The following ASB18 variants were observed in gnomAD, a reference collection of about 807,000 sequenced individuals.
ASB18 encodes ankyrin repeat and SOCS box containing 18, also known as ankyrin repeat and SOCS box protein 18.
ASB18 carries 33 observed loss-of-function variants against 33.4 expected under a neutral mutation model. The observed-to-expected ratio is 0.99, with a 90% CI of 0.75 to 1.32. ASB18 has a LOEUF of 1.32. Among genes scored for constraint, ASB18 ranks in the 40% most tolerant of loss-of-function variants. ASB18 has a pLI of 0.00. For synonymous variants in ASB18, 295 were observed against 307.6 expected (o/e 0.96, Z 0.43); for missense variants, 694 against 655.5 (o/e 1.06, Z -0.64).
chr2:236,254,589 G>A (rs2060683370), intron 1 of ASB18, among the ~76,000 whole-genome samples: 1 of 151,910 alleles, frequency 6.6e-6, no homozygotes, highest in African/African-American at 2.4e-5. Flanking sequence ...AGTTGTGTAT[G>A]TTAAACCTTT....
intron 1 of ASB18, among the ~76,000 whole-genome samples, chr2:236,243,977 C>T (rs763698128): frequency 2.0e-4 from 30 of 152,214 alleles, no homozygotes; most frequent in Admixed American, 1.4e-3. Context: ...CAGGTTCTTG[C>T]GACCAAACCC....
chr2:236,243,292 T>C (rs2060630399), intron 1 of ASB18, among the ~76,000 whole-genome samples: 1 of 142,296 alleles, frequency 7.0e-6, no homozygotes, highest in South Asian at 2.2e-4. Context: ...ATCGTGCCAC[T>C]GCACTCCAGC....
chr2:236,264,033 T>C lies in ASB18; in HGVS notation c.205+108A>G. On this transcript the variant is annotated intron_variant, in intron 1 of 5. Transcript: ENST00000409749. This position sits in a 1 kb window ranked among gnomAD's most constrained non-coding sequence, Gnocchi z 5.1. ...TATGAGAGTCAGATATCCGAGTACA[T>C]ATCATTTACTTTTTCCAAACATTTG... The C allele has an allele frequency of 1.2e-6, 1 of 856,994 alleles. No individual in the cohort carries two copies. The highest frequency in any genetic ancestry group is 1.9e-6 in the Non-Finnish European group (1 of 534,646). The allele number at this position is 856,994 out of a possible 1,614,324, so 53.1% of individuals were successfully genotyped here. A position where few individuals can be genotyped will look rare whatever the true frequency, so the allele number is the denominator to read the frequency against.
chr2:236,209,141 A>G lies in ASB18; in HGVS notation c.1101+5221T>C, dbSNP rs2060446988. 2.0e-5 allele frequency among the ~76,000 whole-genome samples: 3 copies of G among 152,160 alleles called. No homozygotes were observed. Among genetic ancestry groups the G allele is most frequent in the African/African-American group, 7.2e-5 (3 of 41,438 alleles). On this transcript the variant is annotated intron_variant, in intron 4 of 5. Transcript: ENST00000409749. This position sits in a 1 kb window ranked among gnomAD's most constrained non-coding sequence, Gnocchi z 4.4. Reference sequence around the variant, plus strand: ...CTAAAAATCCTGTGGAATTGGGATAAGCGAAGTCCCTTTACCTGATTTAGT... The same window carrying G: ...CTAAAAATCCTGTGGAATTGGGATAGGCGAAGTCCCTTTACCTGATTTAGT...
chr2:236,201,381 T>A (rs539684113), intron 4 of ASB18, among the ~76,000 whole-genome samples: 1 of 152,264 alleles, frequency 6.6e-6, no homozygotes, highest in African/African-American at 2.4e-5. Context: ...TTTGAACTCC[T>A]GGGTTCACGC....
chr2:236,200,600 G>C lies in ASB18; in HGVS notation c.1102-4215C>G, dbSNP rs979838187. Among the ~76,000 whole-genome samples the C allele has an allele frequency of 2.6e-5, 4 of 152,104 alleles. No homozygotes were observed. Among genetic ancestry groups the C allele is most frequent in the Non-Finnish European group, 4.4e-5 (3 of 68,008 alleles). On this transcript the variant is annotated intron_variant, in intron 4 of 5. Transcript: ENST00000409749. This position sits in a 1 kb window ranked among gnomAD's most constrained non-coding sequence, Gnocchi z 4.2. ...AGCCAGCCCAGAGAATGCATGTTCT[G>C]CCCTCACTCTCCTTTCCTCCCTCCT...
Position 236,213,546 on chromosome 2 carries a change from A to G in ASB18, c.1101+816T>C, listed in dbSNP as rs1482062202. 1.3e-5 allele frequency: 2 copies of G among 152,226 alleles called. No individual in the cohort carries two copies. Among genetic ancestry groups the G allele is most frequent in the African/African-American group, 2.4e-5 (1 of 41,468 alleles). 9.4% of individuals were successfully genotyped at this position (152,226 alleles called of 1,614,324 possible). Reference sequence around the variant, plus strand: ...CATCTAATGGAATGACTTCCCTTCAATGAAGTCTTTTCGGGAGGACAACCT... The same window carrying G: ...CATCTAATGGAATGACTTCCCTTCAGTGAAGTCTTTTCGGGAGGACAACCT... On this transcript the variant is annotated intron_variant, in intron 4 of 5. Transcript: ENST00000409749. The surrounding 1 kb of genome is among the most constrained non-coding windows in gnomAD (Gnocchi z 4.8).
In ASB18 at chr2:236,193,563, G is replaced by A. The variant is rs1037344441; in HGVS notation, c.*1309C>T. 5.9e-5 allele frequency among the ~76,000 whole-genome samples: 9 copies of A among 152,186 alleles called. No homozygotes were observed. The highest frequency in any genetic ancestry group is 1.9e-4 in the African/African-American group (8 of 41,450). ...TGTAATCCCAGCACTTTGGGAGGCC[G>A]AGGCGGGCAGATCACCTGAGATCGG... is the stretch of plus-strand genomic sequence containing the variant. On this transcript the variant is annotated 3_prime_UTR_variant, in exon 6 of 6. Transcript: ENST00000409749. This position sits in a 1 kb window ranked among gnomAD's most constrained non-coding sequence, Gnocchi z 5.0.
chr2:236,216,675 CT>C lies in ASB18; in HGVS notation c.597-1810del, dbSNP rs941607670. 2.0e-5 allele frequency among the ~76,000 whole-genome samples: 3 copies of C among 152,204 alleles called. No individual in the cohort carries two copies. Among genetic ancestry groups the C allele is most frequent in the Non-Finnish European group, 4.4e-5 (3 of 68,040 alleles). ...CGTTTCTCGGAATGCTTATAAGTCT[CT>C]TCATTTGCCCCTTGCTGCAATCTAG... is the stretch of plus-strand genomic sequence containing the variant. On this transcript the variant is annotated intron_variant, in intron 3 of 5. Coordinates refer to ENST00000409749, the MANE Select transcript of ASB18 (RefSeq NM_212556.4). The surrounding 1 kb of genome is among the most constrained non-coding windows in gnomAD (Gnocchi z 6.1).
rs2060652827 is a variant in ASB18, at chr2:236,248,145, A to G, written c.206-6743T>C. The G allele has an allele frequency of 6.6e-6, 1 of 152,204 alleles. No individual in the cohort carries two copies. The highest frequency in any genetic ancestry group is 2.1e-4 in the South Asian group (1 of 4,824). The allele number at this position is 152,204 out of a possible 1,614,324, so 9.4% of individuals were successfully genotyped here. On this transcript the variant is annotated intron_variant, in intron 1 of 5. Coordinates refer to ENST00000409749, the MANE Select transcript of ASB18 (RefSeq NM_212556.4). The surrounding 1 kb of genome is among the most constrained non-coding windows in gnomAD (Gnocchi z 4.9). ...CTGGCTAAATAATGTGAACTGGAGA[A>G]ATAATACACGTGATGCCCCAACAGC...
intron 3 of ASB18, among the ~76,000 whole-genome samples, chr2:236,236,043 A>G (rs1451525189): frequency 6.6e-6 from 1 of 151,308 alleles, no homozygotes; most frequent in African/African-American, 2.5e-5. Context: ...TTTATTCAAA[A>G]TGCATAAAAG....
rs1057364804 is a variant in ASB18, at chr2:236,221,468, T to G, written c.597-6602A>C. Among the ~76,000 whole-genome samples, 1 of 152,168 alleles carries G rather than the reference T, an allele frequency of 6.6e-6. No homozygotes were observed. Among genetic ancestry groups the G allele is most frequent in the Non-Finnish European group, 1.5e-5 (1 of 68,030 alleles). The stretch of plus-strand genomic sequence containing the variant: ...AGATAATTGAATCATGGGGGTGGTT[T>G]CCTTCATACTGTTCTCTTGGTAGTG... On this transcript the variant is annotated intron_variant, in intron 3 of 5. Transcript: ENST00000409749. The surrounding 1 kb of genome is among the most constrained non-coding windows in gnomAD (Gnocchi z 5.6).
rs1188073174 is a variant in ASB18, at chr2:236,213,708, T to C, written c.1101+654A>G. 6.6e-6 allele frequency: 1 copy of C among 152,226 alleles called. No homozygotes were observed. Among genetic ancestry groups the C allele is most frequent in the Non-Finnish European group, 1.5e-5 (1 of 68,078 alleles). 9.4% of individuals were successfully genotyped at this position (152,226 alleles called of 1,614,324 possible). The stretch of plus-strand genomic sequence containing the variant: ...CAAGGATGAGTTGTTCAGAGTCAAG[T>C]CTGCAAGGGTGAGCCAGCAGAATGG... On this transcript the variant is annotated intron_variant, in intron 4 of 5. Coordinates refer to ENST00000409749, the MANE Select transcript of ASB18 (RefSeq NM_212556.4). This position sits in a 1 kb window ranked among gnomAD's most constrained non-coding sequence, Gnocchi z 4.8.
rs2060555720 is a variant in ASB18 at position 236,229,626 on chromosome 2, G to A, written c.596+8063C>T. ...AGAGGCCAAGGTGGGCAGATCACCT[G>A]AGGTCAGGGGTTCAAGACTAACCTG... On this transcript the variant is annotated intron_variant, in intron 3 of 5. Coordinates refer to ENST00000409749, the MANE Select transcript of ASB18 (RefSeq NM_212556.4). This position sits in a 1 kb window ranked among gnomAD's most constrained non-coding sequence, Gnocchi z 5.2. Among the ~76,000 whole-genome samples the A allele has an allele frequency of 6.6e-6, 1 of 152,154 alleles. No homozygotes were observed. Among genetic ancestry groups the A allele is most frequent in the Admixed American group, 6.5e-5 (1 of 15,268 alleles).
chr2:236,212,026 C>G (rs562465845), intron 4 of ASB18, among the ~76,000 whole-genome samples: 1 of 152,274 alleles, frequency 6.6e-6, no homozygotes, highest in African/African-American at 2.4e-5. Flanking sequence ...GCGCCATGTT[C>G]AGGGAGGCAG....
At chr2:236,202,777 C>CAAAAAAAAA (rs34973734) in intron 4 of ASB18, among the ~76,000 whole-genome samples, 13 of 68,704 alleles carry the variant, frequency 1.9e-4, no homozygotes, top group East Asian at 4.4e-4. Flanking sequence ...GACTCCGTCT[C>CAAAAAAAAA]AAAAAAAAAA....
rs1271159385 is a variant in ASB18 at position 236,249,116 on chromosome 2, T to C, written c.206-7714A>G. 1 of 152,256 alleles carries C rather than the reference T, an allele frequency of 6.6e-6. No individual in the cohort carries two copies. Among genetic ancestry groups the C allele is most frequent in the Non-Finnish European group, 1.5e-5 (1 of 68,048 alleles). The allele number at this position is 152,256 out of a possible 1,614,324, so 9.4% of individuals were successfully genotyped here. On this transcript the variant is annotated intron_variant, in intron 1 of 5. Transcript: ENST00000409749. This position sits in a 1 kb window ranked among gnomAD's most constrained non-coding sequence, Gnocchi z 4.6. ...AGCATGTCTGTACAGTAAGAGTAAC[T>C]CGTGTCAGACAGATGTCCATTTAAG...
At position 236,226,002 on chromosome 2, in the gene ASB18, C is replaced by A. The variant is rs1283303287; in HGVS notation, c.597-11136G>T. ...GTGAGGTAAAAAAATTAAGGATGAC[C>A]TAAAATCTACTGTGTTTAAAAAGAT... On this transcript the variant is annotated intron_variant, in intron 3 of 5. Transcript: ENST00000409749. The surrounding 1 kb of genome is among the most constrained non-coding windows in gnomAD (Gnocchi z 4.8). Among the ~76,000 whole-genome samples, 2 of 152,056 alleles carry A rather than the reference C, an allele frequency of 1.3e-5. No homozygotes were observed. Among genetic ancestry groups the A allele is most frequent in the African/African-American group, 4.8e-5 (2 of 41,400 alleles).
In ASB18 at chr2:236,237,583, G is replaced by T; in HGVS notation, c.596+106C>A. On this transcript the variant is annotated intron_variant, in intron 3 of 5. Coordinates refer to ENST00000409749, the MANE Select transcript of ASB18 (RefSeq NM_212556.4). This position sits in a 1 kb window ranked among gnomAD's most constrained non-coding sequence, Gnocchi z 6.2. ...GGGTGCAGGGTCTGGGTCCGGAGGC[G>T]GGGGCTGGGACGGAGGCGGAGGCGG... 1 of 966,558 alleles carries T rather than the reference G, an allele frequency of 1.0e-6. No individual in the cohort carries two copies. Among genetic ancestry groups the T allele is most frequent in the South Asian group, 2.3e-5 (1 of 43,064 alleles). The allele number at this position is 966,558 out of a possible 1,614,324, so 59.9% of individuals were successfully genotyped here.
Sources: allele counts gnomAD v4.1 joint callset (sites outside exome capture counted in the v4.1 genomes callset), GRCh38; gene constraint gnomAD v4.1.1; non-coding constraint Gnocchi (gnomAD v3.1); transcripts MANE v1.5; gene names NCBI Gene and HGNC (gene_info 2026-07-23, HGNC 2026-07-21).